Variants in RIN3 observed in about 807,000 individuals in gnomAD.
The protein encoded by RIN3 is Ras and Rab interactor 3.
In RIN3, 54 loss-of-function variants were observed where a neutral mutation model predicts 76.3. That is an observed-to-expected ratio of 0.71 (90% CI 0.57 to 0.89). The LOEUF (loss-of-function observed/expected upper bound fraction) is 0.89, where lower values mean the gene tolerates loss of function less well. Ranked by LOEUF, RIN3 falls within the 40% of genes least tolerant of loss-of-function variation. The pLI, the probability that RIN3 is intolerant of heterozygous loss-of-function variation, is 0.00. For missense variants in RIN3, 1,256 were observed against 1,322.1 expected (o/e 0.95, Z 0.78); for synonymous variants, 576 against 564.0 (o/e 1.02, Z -0.30).
At chr14:92,677,629 TG>T (rs1467568689) in intron 8 of RIN3, among the ~76,000 whole-genome samples, 1 of 152,070 alleles carries the variant, frequency 6.6e-6, no homozygotes, top group African/African-American at 2.4e-5. Flanking sequence ...TTTTTTTCTC[TG>T]TAGTTAAAAA....
chr14:92,630,355 C>T (rs553358661), intron 4 of RIN3, among the ~76,000 whole-genome samples: 1 of 152,132 alleles, frequency 6.6e-6, no homozygotes, highest in East Asian at 1.9e-4. Context: ...AGCCGGGTGT[C>T]GTGGCACATG....
rs1369232754 is a variant in RIN3, at chr14:92,649,260, C to T, written c.533-2322C>T. Among the ~76,000 whole-genome samples the T allele has an allele frequency of 3.3e-5, 5 of 152,186 alleles. No individual in the cohort carries two copies. In the East Asian group the frequency reaches 9.6e-4, roughly 29 times the overall value. ...TTATCTACCCCCATGACACCACCTT[C>T]ACCCACAGGAAGAGTCTGGAGGTGG... On this transcript the variant is annotated intron_variant, in intron 5 of 9. Transcript: ENST00000216487.
chr14:92,551,445 A>C (rs992025982), intron 1 of RIN3, among the ~76,000 whole-genome samples: 4 of 152,124 alleles, frequency 2.6e-5, no homozygotes, highest in African/African-American at 4.8e-5. Context: ...GTATACTGTC[A>C]TTTCCCTCGG....
chr14:92,667,233 C>T, intron 7 of RIN3, among the ~76,000 whole-genome samples: 1 of 152,138 alleles, frequency 6.6e-6, no homozygotes, highest in Admixed American at 6.5e-5. Context: ...TTAAACTGGG[C>T]TAGGCACGGT....
intron 6 of RIN3, 37 bp downstream of exon 6, chr14:92,653,112 G>A: frequency 6.4e-7 from 1 of 1,566,038 alleles, no homozygotes; most frequent in African/African-American, 1.3e-5. Flanking sequence ...GGAGGAGAGG[G>A]CGGTGGGGCT....
In RIN3 at chr14:92,568,919, G is replaced by A. The variant is rs187110368; in HGVS notation, c.250-8441G>A. The stretch of plus-strand genomic sequence containing the variant: ...GATAACACAGCCCAACAGCGAGAGG[G>A]GAGCGAGATGCTTCACCATGTGGTG... On this transcript the variant is annotated intron_variant, in intron 2 of 9. Coordinates refer to ENST00000216487, the MANE Select transcript of RIN3 (RefSeq NM_024832.5). The surrounding 1 kb of genome is among the most constrained non-coding windows in gnomAD (Gnocchi z 4.2). Among the ~76,000 whole-genome samples the A allele has an allele frequency of 1.3e-5, 2 of 152,200 alleles. No individual in the cohort carries two copies. Among genetic ancestry groups the A allele is most frequent in the Admixed American group, 1.3e-4 (2 of 15,302 alleles).
intron 1 of RIN3, among the ~76,000 whole-genome samples, chr14:92,526,169 C>A (rs1189554054): frequency 6.6e-6 from 1 of 152,128 alleles, no homozygotes; most frequent in Non-Finnish European, 1.5e-5. Flanking sequence ...AAAAACTGAG[C>A]TATTGCCCGG....
Position 92,673,509 on chromosome 14 carries a change from CT to C in RIN3, c.2336-2952del, listed in dbSNP as rs34245765. Among the ~76,000 whole-genome samples the C allele has an allele frequency of 9.2e-3, 1,350 of 146,794 alleles. 10 individuals carry two copies. The highest frequency in any genetic ancestry group is 0.05 in the South Asian group (234 of 4,678). On this transcript the variant is annotated intron_variant, in intron 7 of 9. Coordinates refer to ENST00000216487, the MANE Select transcript of RIN3 (RefSeq NM_024832.5). ...AAAGCCATGATGAACAAAATATCCACTTTTTTTTTTTTTTGAGACAGAGTTT... is the reference window on the plus strand; with the variant it reads ...AAAGCCATGATGAACAAAATATCCACTTTTTTTTTTTTTGAGACAGAGTTT...
At chr14:92,599,372 G>A (rs1885263955) in intron 3 of RIN3, among the ~76,000 whole-genome samples, 1 of 152,122 alleles carries the variant, frequency 6.6e-6, no homozygotes, top group Non-Finnish European at 1.5e-5. Flanking sequence ...GGAGGGGAGG[G>A]GACATGCCCC....
chr14:92,523,390 G>A (rs1165817168), intron 1 of RIN3, among the ~76,000 whole-genome samples: 1 of 152,326 alleles, frequency 6.6e-6, no homozygotes, highest in East Asian at 1.9e-4. Flanking sequence ...GGGATTACAG[G>A]CGTGAGCCAC....
At chr14:92,519,834 A>G (rs1896547602) in intron 1 of RIN3, among the ~76,000 whole-genome samples, 2 of 152,174 alleles carry the variant, frequency 1.3e-5, no homozygotes, top group African/African-American at 4.8e-5. Flanking sequence ...TGACGGGTAC[A>G]TGGGAGGCCT....
At chr14:92,592,678 TTA>T in intron 3 of RIN3, among the ~76,000 whole-genome samples, 1 of 141,436 alleles carries the variant, frequency 7.1e-6, no homozygotes, top group Non-Finnish European at 1.5e-5. Flanking sequence ...ATTATTATTA[TTA>T]TTATTATTAT....
At chr14:92,661,081 T>C (rs1206287661) in intron 7 of RIN3, among the ~76,000 whole-genome samples, 2 of 152,200 alleles carry the variant, frequency 1.3e-5, no homozygotes, top group Non-Finnish European at 2.9e-5. Flanking sequence ...AGGAAGCTGC[T>C]TTACAGAGAG....
At chr14:92,659,546 C>T in intron 7 of RIN3, 77 bp downstream of exon 7, 2 of 1,375,558 alleles carry the variant, frequency 1.5e-6, no homozygotes, top group East Asian at 4.7e-5. Flanking sequence ...GACCAGGACT[C>T]CAGAGCCCTT....
At chr14:92,664,425 T>A (rs1391580912) in intron 7 of RIN3, among the ~76,000 whole-genome samples, 1 of 140,448 alleles carries the variant, frequency 7.1e-6, no homozygotes, top group Non-Finnish European at 1.5e-5. Context: ...TGGAGTGCAG[T>A]GGCGCGATCT....
chr14:92,654,793 T>C (rs541832221), intron 6 of RIN3, among the ~76,000 whole-genome samples: 2 of 152,252 alleles, frequency 1.3e-5, no homozygotes, highest in East Asian at 3.9e-4. Context: ...GGCTCAGATA[T>C]AGAGACAGAG....
At chr14:92,573,694 G>A (rs1898131422) in intron 2 of RIN3, among the ~76,000 whole-genome samples, 2 of 152,286 alleles carry the variant, frequency 1.3e-5, no homozygotes, top group Non-Finnish European at 2.9e-5. Flanking sequence ...CCAGGATTGG[G>A]TACAAAGACT....
At chr14:92,588,765 C>T (rs1317085061) in intron 3 of RIN3, among the ~76,000 whole-genome samples, 1 of 152,190 alleles carries the variant, frequency 6.6e-6, no homozygotes, top group Non-Finnish European at 1.5e-5. Context: ...CCTCTCCCAC[C>T]CTCCCTGAAA....
At chr14:92,609,480 A>G (rs543547159) in intron 3 of RIN3, among the ~76,000 whole-genome samples, 20 of 152,194 alleles carry the variant, frequency 1.3e-4, no homozygotes, top group African/African-American at 4.8e-4. Context: ...TTGCTGAGGG[A>G]TATGGGAGAA....
Sources: allele counts gnomAD v4.1 joint callset (sites outside exome capture counted in the v4.1 genomes callset), GRCh38; gene constraint gnomAD v4.1.1; non-coding constraint Gnocchi (gnomAD v3.1); transcripts MANE v1.5; gene names NCBI Gene and HGNC (gene_info 2026-07-23, HGNC 2026-07-21).